HMGCLL1: variants seen among roughly 807,000 people sequenced by gnomAD.
HMGCLL1 encodes 3-hydroxy-3-methylglutaryl-CoA lyase like 1, also known as 3-hydroxymethyl-3-methylglutaryl-CoA lyase, cytoplasmic.
A neutral mutation model predicts 39.1 loss-of-function variants in HMGCLL1; 36 were observed. The ratio of observed to expected loss-of-function variants is 0.92; its 90% CI spans 0.71 to 1.22. The LOEUF (loss-of-function observed/expected upper bound fraction) is 1.22, where lower values mean the gene tolerates loss of function less well. Ranked by LOEUF, HMGCLL1 falls within the 50% of genes most tolerant of loss-of-function variation. The probability of loss-of-function intolerance (pLI) is 0.00; values close to 1 mark genes in which losing one functional copy is unlikely to be tolerated. For synonymous variants in HMGCLL1, 149 were observed against 144.0 expected (o/e 1.03, Z -0.25); for missense variants, 451 against 416.5 (o/e 1.08, Z -0.72).
chr6:55,439,496 C>G lies in HMGCLL1; in HGVS notation c.859G>C (p.Ala287Pro). 1 of 1,612,888 alleles carries G rather than the reference C, an allele frequency of 6.2e-7. No individual in the cohort carries two copies. Among genetic ancestry groups the G allele is most frequent in the Non-Finnish European group, 8.5e-7 (1 of 1,179,188 alleles). Residue 287 changes from alanine to proline, a missense_variant, in exon 8 of 9, where the codon GCT becomes CCT. Ala to Pro is a conservative substitution (Grantham distance 27). Coordinates refer to ENST00000274901, the MANE Select transcript of HMGCLL1 (RefSeq NM_001042406.2). ...TCCTCAGTGGCTACATTCCCAGAAG[C>G]ACCTTTTGCATAAGGGCAGCCACCT... Reference protein sequence around the residue: ...GLGGCPYAKGASGNVATEDLI... With the variant: ...GLGGCPYAKGPSGNVATEDLI...
In HMGCLL1 at chr6:55,545,424, C is replaced by A. The variant is rs188004539; in HGVS notation, c.109-3284G>T. The stretch of plus-strand genomic sequence containing the variant: ...CAAAGCAGAATATGTGTTCACTTGA[C>A]ATTGTTTTTGATTCCTCTTGAATCT... On this transcript the variant is annotated intron_variant, in intron 1 of 8. Coordinates refer to ENST00000274901, the MANE Select transcript of HMGCLL1 (RefSeq NM_001042406.2). Among the ~76,000 whole-genome samples, 3 of 152,234 alleles carry A rather than the reference C, an allele frequency of 2.0e-5. No individual in the cohort carries two copies. In the East Asian group the frequency reaches 5.8e-4, roughly 29 times the overall value.
chr6:55,577,736 C>G (rs1162375151), intron 1 of HMGCLL1, among the ~76,000 whole-genome samples: 1 of 152,038 alleles, frequency 6.6e-6, no homozygotes, highest in Non-Finnish European at 1.5e-5. Flanking sequence ...AAATAACAGA[C>G]TGAATTTAAA....
At chr6:55,506,097 T>C (rs1767144950) in intron 5 of HMGCLL1, among the ~76,000 whole-genome samples, 1 of 151,722 alleles carries the variant, frequency 6.6e-6, no homozygotes, top group Non-Finnish European at 1.5e-5. Flanking sequence ...GTCTTTCTAC[T>C]ACATCAGTTG....
rs1472033410 is a variant in HMGCLL1, at chr6:55,541,969, A to G, written c.189+91T>C. On this transcript the variant is annotated intron_variant, in intron 2 of 8. Coordinates refer to ENST00000274901, the MANE Select transcript of HMGCLL1 (RefSeq NM_001042406.2). ...TCAAGTAGCAATTGAGAAAAAATAT[A>G]ATCAGATAACATATGAAATCCATGT... The G allele has an allele frequency of 3.0e-6, 3 of 987,076 alleles. No individual in the cohort carries two copies. In the Admixed American group the frequency reaches 7.1e-5, roughly 23 times the overall value. 61.1% of individuals were successfully genotyped at this position (987,076 alleles called of 1,614,324 possible).
intron 7 of HMGCLL1, among the ~76,000 whole-genome samples, chr6:55,465,398 T>G (rs932271491): frequency 7.9e-5 from 12 of 152,098 alleles, no homozygotes; most frequent in African/African-American, 2.9e-4. Context: ...ATACATATTA[T>G]AGATAATAAG....
chr6:55,456,781 T>C (rs1764341917), intron 7 of HMGCLL1, among the ~76,000 whole-genome samples: 1 of 152,222 alleles, frequency 6.6e-6, no homozygotes, highest in Non-Finnish European at 1.5e-5. Context: ...GTAACACTGC[T>C]TCTTTCTTTG....
At chr6:55,540,220 T>C (rs546693301) in intron 3 of HMGCLL1, among the ~76,000 whole-genome samples, 1 of 152,224 alleles carries the variant, frequency 6.6e-6, no homozygotes, top group Admixed American at 6.5e-5. Context: ...ATCACTAATG[T>C]ATCAATGGGA....
chr6:55,631,869 T>A, the HMGCLL1 span, among the ~76,000 whole-genome samples: 3 of 152,172 alleles, frequency 2.0e-5, no homozygotes, highest in Non-Finnish European at 4.4e-5. Flanking sequence ...CTGACTCTGA[T>A]AATGTAGTCT....
intron 1 of HMGCLL1, among the ~76,000 whole-genome samples, chr6:55,545,016 A>G (rs1769880224): frequency 6.6e-6 from 1 of 152,138 alleles, no homozygotes. Flanking sequence ...AAGGTGAAGT[A>G]AATAAGAAAA....
intron 3 of HMGCLL1, among the ~76,000 whole-genome samples, chr6:55,528,586 A>C (rs1768456749): frequency 1.3e-5 from 2 of 151,878 alleles, no homozygotes; most frequent in South Asian, 4.1e-4. Flanking sequence ...CAGTTTTAAT[A>C]AATCACAGTC....
In HMGCLL1 at chr6:55,523,562, G is replaced by A. The variant is rs77457549; in HGVS notation, c.298-6959C>T. 1.9e-3 allele frequency among the ~76,000 whole-genome samples: 288 copies of A among 152,024 alleles called. 2 individuals carry two copies. Among genetic ancestry groups the A allele is most frequent in the East Asian group, 3.5e-3 (18 of 5,174 alleles). On this transcript the variant is annotated intron_variant, in intron 3 of 8. Transcript: ENST00000274901. ...TTTTTTTATGTACAAATCCAGGCCA[G>A]ACTCTGCCAATTGGGAGAGCTCACA...
chr6:55,592,026 CA>C, the HMGCLL1 span, among the ~76,000 whole-genome samples: 4 of 151,998 alleles, frequency 2.6e-5, no homozygotes, highest in East Asian at 7.7e-4. Flanking sequence ...TTATAACTTT[CA>C]AATTACATTT....
chr6:55,664,959 G>C, the HMGCLL1 span, among the ~76,000 whole-genome samples: 1 of 151,610 alleles, frequency 6.6e-6, no homozygotes, highest in African/African-American at 2.4e-5. Context: ...GGAGAGACCA[G>C]GAAAATTCAT....
chr6:55,602,290 A>G, the HMGCLL1 span, among the ~76,000 whole-genome samples: 2 of 152,144 alleles, frequency 1.3e-5, no homozygotes, highest in Non-Finnish European at 2.9e-5. Context: ...ACTCCCACAA[A>G]AAATGAATAT....
the HMGCLL1 span, among the ~76,000 whole-genome samples, chr6:55,639,666 T>C: frequency 6.6e-6 from 1 of 152,122 alleles, no homozygotes; most frequent in Non-Finnish European, 1.5e-5. Context: ...TATAATCTCC[T>C]AATAATCACA....
In HMGCLL1 at chr6:55,439,119, G is replaced by A. The variant is rs1039533178; in HGVS notation, c.921+315C>T. On this transcript the variant is annotated intron_variant, in intron 8 of 8. Transcript: ENST00000274901. ...AACAAAACTGCAAAACTCAACAATCGTAACAGCAAAGACACAGGCTCCAAC... is the reference window on the plus strand; with the variant it reads ...AACAAAACTGCAAAACTCAACAATCATAACAGCAAAGACACAGGCTCCAAC... 4.6e-5 allele frequency among the ~76,000 whole-genome samples: 7 copies of A among 152,028 alleles called. No homozygotes were observed. The South Asian group carries it at 6.2e-4, about 14-fold the overall frequency.
the HMGCLL1 span, among the ~76,000 whole-genome samples, chr6:55,642,529 G>T: frequency 6.6e-6 from 1 of 152,048 alleles, no homozygotes; most frequent in Non-Finnish European, 1.5e-5. Context: ...AAACCAGCAT[G>T]CAATGCTTAA....
At chr6:55,453,812 T>C (rs548819309) in intron 7 of HMGCLL1, among the ~76,000 whole-genome samples, 1 of 152,250 alleles carries the variant, frequency 6.6e-6, no homozygotes, top group African/African-American at 2.4e-5. Flanking sequence ...ATTTACTAGG[T>C]AAAATACTGT....
chr6:55,572,543 T>C (rs1771560932), intron 1 of HMGCLL1, among the ~76,000 whole-genome samples: 1 of 152,046 alleles, frequency 6.6e-6, no homozygotes, highest in Non-Finnish European at 1.5e-5. Context: ...CCAAAAACCA[T>C]TTGGAATAGT....
Sources: gnomAD v4.1 joint callset for allele counts (sites outside exome capture counted in the v4.1 genomes callset) on GRCh38, gnomAD v4.1.1 for gene constraint, MANE v1.5 for transcripts, NCBI Gene and HGNC (gene_info 2026-07-23, HGNC 2026-07-21) for gene names.